C15orf39: variants seen among roughly 807,000 people sequenced by gnomAD.
C15orf39 encodes PRMT2 interacting protein.
A neutral mutation model predicts 53.9 loss-of-function variants in C15orf39; 24 were observed. The ratio of observed to expected loss-of-function variants is 0.45; its 90% CI spans 0.32 to 0.63. The LOEUF (loss-of-function observed/expected upper bound fraction) is 0.63. C15orf39 is among the 20% of genes least tolerant of loss of function. The pLI is 0.04. For synonymous variants in C15orf39, 569 were observed against 576.5 expected, an observed-to-expected ratio of 0.99 and a Z score of 0.19; for missense variants, 1,271 against 1,347.9, an observed-to-expected ratio of 0.94 and a Z score of 0.89.
chr15:75,209,069 G>C, intron 2 of C15orf39: 1 of 591,776 alleles, frequency 1.7e-6, no homozygotes. Flanking sequence ...AAACTCCTCG[G>C]CCTCCCCTGG....
chr15:75,207,546 A>T lies in C15orf39; in HGVS notation c.1498A>T (p.Met500Leu), dbSNP rs771625069. The T allele has an allele frequency of 2.5e-6, 4 of 1,613,228 alleles. No homozygotes were observed. Among genetic ancestry groups the T allele is most frequent in the Non-Finnish European group, 3.4e-6 (4 of 1,179,918 alleles). Residue 500 changes from methionine to leucine, a missense_variant, in exon 2 of 3, where the codon ATG (methionine) becomes TTG (leucine). Around this residue, in one of 2 missense-constraint regions of C15orf39, gnomAD observed 994 missense variants for 993.7 expected, o/e 1.00. Coordinates refer to ENST00000394987, the MANE Select transcript of C15orf39 (RefSeq NM_015492.5). ...EGARPPSSPP[M>L]PVIDNVFSLA... ...CGCAAGGCCACCCAGCTCTCCACCA[A>T]TGCCTGTCATTGACAATGTCTTCAG...
chr15:75,207,042 G>T lies in C15orf39; in HGVS notation c.994G>T (p.Ala332Ser). 6.2e-7 allele frequency: 1 copy of T among 1,608,626 alleles called. No homozygotes were observed. The highest frequency in any genetic ancestry group is 8.5e-7 in the Non-Finnish European group (1 of 1,177,568). Residue 332 changes from alanine (A) to serine (S), a missense_variant, in exon 2 of 3, where the codon GCA becomes TCA. Coordinates refer to ENST00000394987, the MANE Select transcript of C15orf39 (RefSeq NM_015492.5). ...CTACCTGAGGCAGCAGGCAGCCCAGGCACCTTACATTCCCCCACTGGGGCT... is the reference window on the plus strand; with the variant it reads ...CTACCTGAGGCAGCAGGCAGCCCAGTCACCTTACATTCCCCCACTGGGGCT... ...SPYLRQQAAQ[A>S]PYIPPLGLDA...
chr15:75,199,348 G>T (rs576513833), upstream of C15orf39, among the ~76,000 whole-genome samples: 1 of 152,316 alleles, frequency 6.6e-6, no homozygotes, highest in South Asian at 2.1e-4. Context: ...AGACAGGGCA[G>T]CAAAAGCAGT....
chr15:75,200,073 A>G (rs1315274711), upstream of C15orf39, among the ~76,000 whole-genome samples: 2 of 152,164 alleles, frequency 1.3e-5, no homozygotes, highest in Non-Finnish European at 2.9e-5. Flanking sequence ...TCCCACACTG[A>G]TGTTGGCCGA....
Position 75,206,675 on chromosome 15 carries a change from A to T in C15orf39, c.627A>T (p.Pro209=). Residue 209 remains proline (P), a synonymous_variant, in exon 2 of 3, where the codon CCA becomes CCT. Coordinates refer to ENST00000394987, the MANE Select transcript of C15orf39 (RefSeq NM_015492.5). ...SSKDSSGSFS[P]CQPFLEKYQT... ...AAGACTCCTCAGGGAGCTTCTCCCCATGCCAGCCCTTCCTGGAGAAATATC... is the reference window on the plus strand; with the variant it reads ...AAGACTCCTCAGGGAGCTTCTCCCCTTGCCAGCCCTTCCTGGAGAAATATC... 1 of 1,613,754 alleles carries T rather than the reference A, an allele frequency of 6.2e-7. No individual in the cohort carries two copies. The highest frequency in any genetic ancestry group is 8.5e-7 in the Non-Finnish European group (1 of 1,179,970).
chr15:75,210,202 T>A (rs2070473460), intron 2 of C15orf39, among the ~76,000 whole-genome samples: 1 of 152,110 alleles, frequency 6.6e-6, no homozygotes, highest in African/African-American at 2.4e-5. Flanking sequence ...CTGGCTGAAT[T>A]TTGTTGCCCC....
chr15:75,207,481 C>T lies in C15orf39; in HGVS notation c.1433C>T (p.Pro478Leu). 2 of 1,613,682 alleles carry T rather than the reference C, an allele frequency of 1.2e-6. No individual in the cohort carries two copies. Among genetic ancestry groups the T allele is most frequent in the Non-Finnish European group, 1.7e-6 (2 of 1,179,984 alleles). The change falls in exon 2 of 3, where the codon CCC (proline) becomes CTC (leucine). Residue 478 changes from proline to leucine, a missense_variant. By Grantham distance (98) the Pro-to-Leu change is moderately conservative (BLOSUM62 -3). Transcript: ENST00000394987. ...PVPCTPPALP[P>L]CARECQSLPQ... ...CCCTGTACCCCCCCAGCACTGCCCC[C>T]CTGTGCCCGGGAGTGCCAGTCTCTT...
Position 75,211,335 on chromosome 15 carries a change from G to C in C15orf39, c.*219G>C. The C allele has an allele frequency of 1.8e-6, 1 of 541,916 alleles. No individual in the cohort carries two copies. Among genetic ancestry groups the C allele is most frequent in the Non-Finnish European group, 3.0e-6 (1 of 328,162 alleles). 33.6% of individuals were successfully genotyped at this position (541,916 alleles called of 1,614,324 possible). On this transcript the variant is annotated 3_prime_UTR_variant, in exon 3 of 3. Coordinates refer to ENST00000394987, the MANE Select transcript of C15orf39 (RefSeq NM_015492.5). ...AGGACTACTCCCTATTTCTTGCCTA[G>C]AGAACACACATGGGCTTTGGAGCCC...
Position 75,207,749 on chromosome 15 carries a change from A to T in C15orf39, c.1701A>T (p.Ser567=). ...GPSGSKPLRG[S]LKEEVALDLS... Reference sequence around the variant, plus strand: ...CAGGGAGTAAACCCCTAAGGGGCTCACTTAAGGAGGAGGTAGCCCTGGATT... The same window carrying T: ...CAGGGAGTAAACCCCTAAGGGGCTCTCTTAAGGAGGAGGTAGCCCTGGATT... Residue 567 remains serine (S), a synonymous_variant, in exon 2 of 3, where the codon TCA becomes TCT. Coordinates refer to ENST00000394987, the MANE Select transcript of C15orf39 (RefSeq NM_015492.5). The T allele has an allele frequency of 6.2e-7, 1 of 1,608,736 alleles. No individual in the cohort carries two copies. Among genetic ancestry groups the T allele is most frequent in the Non-Finnish European group, 8.5e-7 (1 of 1,177,374 alleles).
intron 2 of C15orf39, among the ~76,000 whole-genome samples, chr15:75,210,061 G>A (rs992287901): frequency 6.6e-6 from 1 of 152,216 alleles, no homozygotes; most frequent in African/African-American, 2.4e-5. Flanking sequence ...GAGAGGGTCA[G>A]GTCTGTTTCT....
At position 75,207,778 on chromosome 15, in the gene C15orf39, G is replaced by A; in HGVS notation, c.1730G>A (p.Ser577Asn). Residue 577 changes from serine (S) to asparagine (N), a missense_variant, in exon 2 of 3, where the codon AGT becomes AAT. Physicochemically the swap from Ser to Asn is conservative, Grantham distance 46. This residue lies in a region of C15orf39 where 994 missense variants were observed against 993.7 expected (regional missense o/e 1.00). Transcript: ENST00000394987. ...SLKEEVALDLSVRKPTAEASP... is the reference protein window; with the variant it reads ...SLKEEVALDLNVRKPTAEASP... ...AAGGAGGAGGTAGCCCTGGATTTGA[G>A]TGTGAGGAAGCCCACAGCAGAGGCC... The A allele has an allele frequency of 6.2e-7, 1 of 1,611,708 alleles. No homozygotes were observed. Among genetic ancestry groups the A allele is most frequent in the Non-Finnish European group, 8.5e-7 (1 of 1,179,078 alleles).
At chr15:75,200,517 C>T (rs543518389), upstream of C15orf39, among the ~76,000 whole-genome samples, 8 of 152,190 alleles carry the variant, frequency 5.3e-5, no homozygotes, top group South Asian at 1.7e-3. Context: ...GGAGGAGGGG[C>T]GAGCAGAGTT....
rs1595956458 is a variant in C15orf39, at chr15:75,208,873, A to T, written c.2776+49A>T. The T allele has an allele frequency of 1.9e-6, 3 of 1,548,342 alleles. No homozygotes were observed. In the East Asian group the frequency reaches 6.8e-5, roughly 35 times the overall value. ...GCCACCGGAGCTGTGTGAGCAAGTG[A>T]CAGGTGTGTGTGCTGTGTGAGTGCG... is the stretch of plus-strand genomic sequence containing the variant. On this transcript the variant is annotated intron_variant, in intron 2 of 2. Coordinates refer to ENST00000394987, the MANE Select transcript of C15orf39 (RefSeq NM_015492.5).
rs1184918284 is a variant in C15orf39 at position 75,210,675 on chromosome 15, G to A, written c.2777-74G>A. On this transcript the variant is annotated intron_variant, in intron 2 of 2. Transcript: ENST00000394987. ...TTGGGGCAGAGCAGAAGCACTGTTT[G>A]GATGGCTTTGGAAGCCAGGAGGTGG... 5 of 1,518,672 alleles carry A rather than the reference G, an allele frequency of 3.3e-6. No homozygotes were observed. The East Asian group carries it at 1.1e-4, about 34-fold the overall frequency. 94.1% of individuals were successfully genotyped at this position (1,518,672 alleles called of 1,614,324 possible).
At position 75,206,245 on chromosome 15, in the gene C15orf39, G is replaced by A; in HGVS notation, c.197G>A (p.Trp66Ter). 1 of 1,614,052 alleles carries A rather than the reference G, an allele frequency of 6.2e-7. No individual in the cohort carries two copies. The highest frequency in any genetic ancestry group is 8.5e-7 in the Non-Finnish European group (1 of 1,179,978). The change falls in exon 2 of 3, where the codon TGG becomes TAG. Residue 66 changes from tryptophan (W) to a stop codon, truncating the protein, a stop_gained. Coordinates refer to ENST00000394987, the MANE Select transcript of C15orf39 (RefSeq NM_015492.5). LOFTEE classifies it high-confidence loss of function. Reference protein sequence around the residue: ...PKAESEQLASWTPYPPLYSTG... With the variant: ...PKAESEQLAS ...GCCGAGTCTGAGCAGTTGGCGTCCT[G>A]GACCCCATACCCACCCTTGTACTCT...
intron 2 of C15orf39, among the ~76,000 whole-genome samples, chr15:75,210,113 C>G (rs955154801): frequency 1.3e-5 from 2 of 152,188 alleles, no homozygotes; most frequent in Admixed American, 1.3e-4. Context: ...GCACTCCACA[C>G]AGTCCGAGGT....
In C15orf39 at chr15:75,206,853, T is replaced by TTCC; in HGVS notation, c.805_806insTCC (p.Tyr269delinsPheHis). The TTCC allele has an allele frequency of 1.7e-6, 2 of 1,205,170 alleles. No individual in the cohort carries two copies. The highest frequency in any genetic ancestry group is 2.2e-6 in the Non-Finnish European group (2 of 906,140). 74.7% of individuals were successfully genotyped at this position (1,205,170 alleles called of 1,614,324 possible). On this transcript the variant is annotated protein_altering_variant, in exon 2 of 3. Transcript: ENST00000394987. ...CTGTCAGGACACCGGGCCCACCCAC[T>TTCC]ACCCACCACCCCACCACCCACCACC...
At chr15:75,210,560 C>T (rs900724218) in intron 2 of C15orf39, among the ~76,000 whole-genome samples, 189 bp from the exon 3 acceptor site, 1 of 152,214 alleles carries the variant, frequency 6.6e-6, no homozygotes, top group Non-Finnish European at 1.5e-5. Context: ...AGATAGAGTT[C>T]TGGTGTCACC....
In C15orf39 at chr15:75,206,001, C is replaced by A; in HGVS notation, c.-48C>A. 6.7e-7 allele frequency: 1 copy of A among 1,486,710 alleles called. No individual in the cohort carries two copies. The highest frequency in any genetic ancestry group is 1.3e-5 in the South Asian group (1 of 75,260). The allele number at this position is 1,486,710 out of a possible 1,614,324, so 92.1% of individuals were successfully genotyped here. A position where few individuals can be genotyped will look rare whatever the true frequency, so the allele number is the denominator to read the frequency against. On this transcript the variant is annotated splice_region_variant and 5_prime_UTR_variant, in exon 2 of 3. The change creates a premature stop within an existing upstream ORF in the 5' untranslated region. Transcript: ENST00000394987. ...CTGCCTTTCTCTCTCTATCCCAGGTCAGAAGTTGAGTAGCAGGGGCCTAGG... is the reference window on the plus strand; with the variant it reads ...CTGCCTTTCTCTCTCTATCCCAGGTAAGAAGTTGAGTAGCAGGGGCCTAGG...
Sources: allele counts gnomAD v4.1 joint callset (sites outside exome capture counted in the v4.1 genomes callset), GRCh38; gene constraint gnomAD v4.1.1; regional missense constraint gnomAD v4.1.1; transcripts MANE v1.5; gene names NCBI Gene and HGNC (gene_info 2026-07-23, HGNC 2026-07-21).